VCPIP1: variants seen among roughly 807,000 people sequenced by gnomAD.
The protein encoded by VCPIP1 is deubiquitinating protein VCPIP1.
In VCPIP1, 8 loss-of-function variants were observed where a neutral mutation model predicts 85.0. The ratio of observed to expected loss-of-function variants is 0.09; its 90% confidence interval spans 0.06 to 0.17. The LOEUF (loss-of-function observed/expected upper bound fraction) is 0.17. VCPIP1 is among the 10% of genes least tolerant of loss of function. The pLI, the probability that VCPIP1 is intolerant of heterozygous loss-of-function variation, is 1.00. For missense variants in VCPIP1, 1,070 were observed against 1,486.3 expected (o/e 0.72, Z 4.61); for synonymous variants, 543 against 544.5 (o/e 1.00, Z 0.04).
At chr8:66,649,835 G>A (rs981442049) in intron 2 of VCPIP1, among the ~76,000 whole-genome samples, 2 of 152,088 alleles carry the variant, frequency 1.3e-5, no homozygotes, top group Admixed American at 6.6e-5. Context: ...TCGTATACTT[G>A]TAAGTCTGAA....
intron 2 of VCPIP1, among the ~76,000 whole-genome samples, chr8:66,646,119 C>T (rs1241223553): frequency 1.3e-5 from 2 of 151,394 alleles, no homozygotes; most frequent in Non-Finnish European, 2.9e-5. Flanking sequence ...TCACCCAGGC[C>T]GGAGTGCCAG....
chr8:66,665,513 T>C lies in VCPIP1; in HGVS notation c.1446A>G (p.Pro482=). The C allele has an allele frequency of 3.7e-6, 6 of 1,614,162 alleles. No individual in the cohort carries two copies. Among genetic ancestry groups the C allele is most frequent in the Non-Finnish European group, 5.1e-6 (6 of 1,179,988 alleles). The change falls in exon 1 of 3, where the codon CCA becomes CCG. Residue 482 remains proline (P), a synonymous_variant. Coordinates refer to ENST00000310421, the MANE Select transcript of VCPIP1 (RefSeq NM_025054.5). This position sits in a 1 kb window ranked among gnomAD's most constrained non-coding sequence, Gnocchi z 4.3. ...CGALSELHVP[P]EWLAPGGKLY... is the part of the protein sequence containing the mutation. ...ATTTCCCTCCAGGAGCCAACCACTC[T>C]GGAGGAACATGAAGTTCAGAAAGGG...
intron 2 of VCPIP1, among the ~76,000 whole-genome samples, chr8:66,640,712 CG>C (rs34207507): frequency 0.65 from 98,156 of 151,826 alleles, 34,021 homozygotes; most frequent in African/African-American, 0.92. Flanking sequence ...GATGGCTTGA[CG>C]GGGGGTACTT....
chr8:66,644,309 T>C (rs145827635), intron 2 of VCPIP1, among the ~76,000 whole-genome samples: 4 of 152,310 alleles, frequency 2.6e-5, no homozygotes, highest in African/African-American at 9.6e-5. Context: ...TTATCCTTCC[T>C]GAACACAATC....
At position 66,632,949 on chromosome 8, in the gene VCPIP1, T is replaced by G. The variant is rs140535032; in HGVS notation, c.*1552A>C. 1 of 152,236 alleles carries G rather than the reference T, an allele frequency of 6.6e-6. No individual in the cohort carries two copies. Among genetic ancestry groups the G allele is most frequent in the Non-Finnish European group, 1.5e-5 (1 of 67,948 alleles). The allele number at this position is 152,236 out of a possible 1,614,324, so 9.4% of individuals were successfully genotyped here. A position where few individuals can be genotyped will look rare whatever the true frequency, so the allele number is the denominator to read the frequency against. On this transcript the variant is annotated 3_prime_UTR_variant, in exon 3 of 3. Coordinates refer to ENST00000310421, the MANE Select transcript of VCPIP1 (RefSeq NM_025054.5). ...TAAAAACTAACCCAAATATATATTTTGCTCAGATACACCTGTAAAATGTCT... is the reference window on the plus strand; with the variant it reads ...TAAAAACTAACCCAAATATATATTTGGCTCAGATACACCTGTAAAATGTCT...
chr8:66,664,253 T>C lies in VCPIP1; in HGVS notation c.2706A>G (p.Leu902=). Residue 902 remains leucine, a synonymous_variant, in exon 1 of 3, where the codon TTA becomes TTG. Transcript: ENST00000310421. ...TCAGAATTAAATTCATCTTACCCAT[T>C]AATGTTGCTAAAAGACACAAGGAGT... ...EMYSLCLLAT[L]MGEDVWSYAK... is the part of the protein sequence containing the mutation. 2.6e-6 allele frequency: 4 copies of C among 1,564,012 alleles called. No homozygotes were observed. Among genetic ancestry groups the C allele is most frequent in the Non-Finnish European group, 3.5e-6 (4 of 1,152,224 alleles).
In VCPIP1 at chr8:66,666,525, C is replaced by T; in HGVS notation, c.434G>A (p.Arg145Gln). ...ARYGMDKQTG[R>Q]AKLLRDMNQG... ...GTTCATGTCCCGGAGAAGCTTGGCC[C>T]GGCCTGTCTGTTTGTCCATTCCATA... is the stretch of plus-strand genomic sequence containing the variant. Residue 145 changes from arginine to glutamine, a missense_variant, in exon 1 of 3, where the codon CGG (arginine) becomes CAG (glutamine). Around this residue, in one of 8 missense-constraint regions of VCPIP1, gnomAD observed 118 missense variants for 337.1 expected, o/e 0.35. Transcript: ENST00000310421. This position sits in a 1 kb window ranked among gnomAD's most constrained non-coding sequence, Gnocchi z 6.3. 1 of 1,614,136 alleles carries T rather than the reference C, an allele frequency of 6.2e-7. No homozygotes were observed. Among genetic ancestry groups the T allele is most frequent in the Non-Finnish European group, 8.5e-7 (1 of 1,180,022 alleles).
At chr8:66,640,003 G>A (rs1378344199) in intron 2 of VCPIP1, among the ~76,000 whole-genome samples, 1 of 152,034 alleles carries the variant, frequency 6.6e-6, no homozygotes, top group Non-Finnish European at 1.5e-5. Context: ...CTAAATATCT[G>A]GGTGATGAAA....
intron 1 of VCPIP1, 42 bp from the exon 2 acceptor site, chr8:66,651,586 G>A: frequency 6.5e-7 from 1 of 1,547,766 alleles, no homozygotes; most frequent in Non-Finnish European, 8.9e-7. Context: ...ACAAACAAAA[G>A]AGTTCCATCC....
rs761593880 is a variant in VCPIP1 at position 66,664,523 on chromosome 8, T to C, written c.2436A>G (p.Pro812=). 5.6e-6 allele frequency: 9 copies of C among 1,614,122 alleles called. No individual in the cohort carries two copies. Among genetic ancestry groups the C allele is most frequent in the African/African-American group, 1.3e-5 (1 of 74,946 alleles). ...ACCCGTATCGAATACACTGTAAATATGGAGGAATGTTGAATTCTCTGGCTA... is the reference window on the plus strand; with the variant it reads ...ACCCGTATCGAATACACTGTAAATACGGAGGAATGTTGAATTCTCTGGCTA... ...ESIAREFNIP[P]YLQCIRYGFP... is the part of the protein sequence containing the mutation. Residue 812 remains proline (P), a synonymous_variant, in exon 1 of 3, where the codon CCA becomes CCG. Coordinates refer to ENST00000310421, the MANE Select transcript of VCPIP1 (RefSeq NM_025054.5).
chr8:66,637,004 G>A (rs932694995), intron 2 of VCPIP1, among the ~76,000 whole-genome samples: 2 of 152,144 alleles, frequency 1.3e-5, no homozygotes, highest in Non-Finnish European at 2.9e-5. Flanking sequence ...TTAAATGATA[G>A]GTGATGTTTC....
chr8:66,650,605 T>A (rs1811042520), intron 2 of VCPIP1, among the ~76,000 whole-genome samples: 1 of 152,030 alleles, frequency 6.6e-6, no homozygotes, highest in Non-Finnish European at 1.5e-5. Context: ...ATGAGCTGTA[T>A]CCTAGAACTT....
chr8:66,664,484 C>T lies in VCPIP1; in HGVS notation c.2475G>A (p.Glu825=), dbSNP rs1269740585. The change falls in exon 1 of 3, where the codon GAG becomes GAA. Residue 825 remains glutamate, a synonymous_variant. Coordinates refer to ENST00000310421, the MANE Select transcript of VCPIP1 (RefSeq NM_025054.5). ...QCIRYGFPPK[E]LMPPQAGMEK... ...CCATTCCTGCCTGTGGTGGCATTAACTCTTTAGGAGGAAACCCGTATCGAA... is the reference window on the plus strand; with the variant it reads ...CCATTCCTGCCTGTGGTGGCATTAATTCTTTAGGAGGAAACCCGTATCGAA... 6.2e-7 allele frequency: 1 copy of T among 1,613,954 alleles called. No homozygotes were observed. The highest frequency in any genetic ancestry group is 1.3e-5 in the African/African-American group (1 of 74,916).
At position 66,629,424 on chromosome 8, in the gene VCPIP1, ATTTCC is replaced by A. The variant is rs533531640; in HGVS notation, c.*5072_*5076del. 7 of 152,294 alleles carry A rather than the reference ATTTCC, an allele frequency of 4.6e-5. No individual in the cohort carries two copies. Among genetic ancestry groups the A allele is most frequent in the African/African-American group, 1.2e-4 (5 of 41,572 alleles). 9.4% of individuals were successfully genotyped at this position (152,294 alleles called of 1,614,324 possible). ...AACGTTATTTAGTACTATTATCTGT[ATTTCC>A]TTTCATTTCCTTATCACTAACCAGT... On this transcript the variant is annotated 3_prime_UTR_variant, in exon 3 of 3. Coordinates refer to ENST00000310421, the MANE Select transcript of VCPIP1 (RefSeq NM_025054.5).
intron 1 of VCPIP1, among the ~76,000 whole-genome samples, chr8:66,656,326 C>T (rs780997964): frequency 2.2e-4 from 34 of 152,062 alleles, no homozygotes; most frequent in Admixed American, 5.9e-4. Context: ...TCCTGAGTAG[C>T]TAGGACTACA....
intron 2 of VCPIP1, among the ~76,000 whole-genome samples, chr8:66,638,970 C>CTATATATATATATATATATATATA (rs1554584185): frequency 4.2e-5 from 5 of 118,418 alleles, no homozygotes; most frequent in Admixed American, 8.5e-5. Flanking sequence ...CTCTCTCTCT[C>CTATATATATATATATATATATATA]TATATATATA....
At chr8:66,653,645 T>C (rs529688661) in intron 1 of VCPIP1, 3 of 152,290 alleles carry the variant, frequency 2.0e-5, no homozygotes, top group South Asian at 2.1e-4. Context: ...AACTGATTAA[T>C]AAGAAAAATC....
intron 1 of VCPIP1, among the ~76,000 whole-genome samples, chr8:66,661,959 G>C (rs767061935): frequency 1.3e-5 from 2 of 150,802 alleles, no homozygotes; most frequent in Non-Finnish European, 3.0e-5. Flanking sequence ...AGTAGAAACA[G>C]GGTTTCACCA....
intron 2 of VCPIP1, among the ~76,000 whole-genome samples, chr8:66,644,390 C>A (rs368378428): frequency 1.3e-5 from 2 of 152,204 alleles, no homozygotes; most frequent in East Asian, 3.9e-4. Context: ...TCAAAAAAAT[C>A]AATGTAATTC....
Sources: gnomAD v4.1 joint callset for allele counts (sites outside exome capture counted in the v4.1 genomes callset) on GRCh38, gnomAD v4.1.1 for gene constraint, gnomAD v4.1.1 regional missense constraint, Gnocchi (gnomAD v3.1) non-coding constraint, MANE v1.5 for transcripts, NCBI Gene and HGNC (gene_info 2026-07-23, HGNC 2026-07-21) for gene names.